IMPG2: variants seen among roughly 807,000 people sequenced by gnomAD.
IMPG2 encodes IPM 200.
In IMPG2, 91 loss-of-function variants were observed where a neutral mutation model predicts 129.2. That is an observed-to-expected ratio of 0.70 (90% CI 0.59 to 0.84). The LOEUF (loss-of-function observed/expected upper bound fraction) is 0.84. Ranked by LOEUF, IMPG2 falls within the 40% of genes least tolerant of loss-of-function variation. The pLI is 0.00. For missense variants in IMPG2, 1,430 were observed against 1,461.7 expected (o/e 0.98, Z 0.35); for synonymous variants, 510 against 517.7 (o/e 0.99, Z 0.20).
intron 14 of IMPG2, 52 bp downstream of exon 14, chr3:101,242,636 A>G: frequency 1.5e-6 from 2 of 1,327,656 alleles, no homozygotes; most frequent in Non-Finnish European, 2.2e-6. Context: ...AAAACACACA[A>G]GAATAATCAC....
intron 16 of IMPG2, among the ~76,000 whole-genome samples, chr3:101,230,216 T>G (rs1190675094): frequency 6.6e-6 from 1 of 152,168 alleles, no homozygotes; most frequent in Non-Finnish European, 1.5e-5. Context: ...GTGAGAGAAG[T>G]AAACTAGACC....
chr3:101,272,118 C>CAT (rs1474683731), intron 7 of IMPG2, among the ~76,000 whole-genome samples: 3 of 151,176 alleles, frequency 2.0e-5, no homozygotes, highest in African/African-American at 4.9e-5. Flanking sequence ...CACACACACA[C>CAT]ACATACACAC....
chr3:101,284,961 T>A (rs181819898), intron 4 of IMPG2, among the ~76,000 whole-genome samples: 1 of 152,326 alleles, frequency 6.6e-6, no homozygotes, highest in East Asian at 1.9e-4. Flanking sequence ...TTTGCTGACA[T>A]TGCTAGAATG....
intron 9 of IMPG2, among the ~76,000 whole-genome samples, chr3:101,267,003 AAAG>A: frequency 6.6e-6 from 1 of 152,308 alleles, no homozygotes; most frequent in Admixed American, 6.5e-5. Flanking sequence ...TCAGCCATAA[AAAG>A]AAGGAAATCC....
At chr3:101,291,223 G>A (rs1047970917) in intron 4 of IMPG2, among the ~76,000 whole-genome samples, 13 of 152,106 alleles carry the variant, frequency 8.5e-5, no homozygotes, top group Non-Finnish European at 1.3e-4. Context: ...CCATAAATCT[G>A]TTTTCTTATC....
At chr3:101,278,694 C>T (rs1706862885) in intron 4 of IMPG2, among the ~76,000 whole-genome samples, 1 of 149,050 alleles carries the variant, frequency 6.7e-6, no homozygotes, top group African/African-American at 2.5e-5. Context: ...ATTTGAGAAA[C>T]ATAAGTTAAA....
chr3:101,242,783 T>C lies in IMPG2; in HGVS notation c.2927A>G (p.Asn976Ser). The C allele has an allele frequency of 6.2e-7, 1 of 1,614,076 alleles. No individual in the cohort carries two copies. Among genetic ancestry groups the C allele is most frequent in the Non-Finnish European group, 8.5e-7 (1 of 1,179,954 alleles). ...KFANSVPPNV[N>S]NAVYMILEDF... is the part of the protein sequence containing the mutation. ...TTCCAGAATCATGTACACCGCATTGTTGACGTTAGGAGGGACAGAATTGGC... is the reference window on the plus strand; with the variant it reads ...TTCCAGAATCATGTACACCGCATTGCTGACGTTAGGAGGGACAGAATTGGC... Residue 976 changes from asparagine to serine, a missense_variant, in exon 14 of 19, where the codon AAC becomes AGC. Asn to Ser is a conservative substitution (Grantham distance 46). Coordinates refer to ENST00000193391, the MANE Select transcript of IMPG2 (RefSeq NM_016247.4).
At chr3:101,273,336 C>A (rs149397845) in intron 7 of IMPG2, among the ~76,000 whole-genome samples, 2 of 152,252 alleles carry the variant, frequency 1.3e-5, no homozygotes, top group African/African-American at 4.8e-5. Context: ...TCTTTCTTGG[C>A]TGTGCAGCAA....
intron 9 of IMPG2, among the ~76,000 whole-genome samples, chr3:101,264,461 T>C (rs1706702070): frequency 6.6e-6 from 1 of 152,024 alleles, no homozygotes; most frequent in Admixed American, 6.6e-5. Flanking sequence ...CATATGATCA[T>C]CATAATGATG....
chr3:101,275,156 G>A (rs949223048), intron 6 of IMPG2, among the ~76,000 whole-genome samples: 3 of 151,776 alleles, frequency 2.0e-5, no homozygotes, highest in East Asian at 1.9e-4. Context: ...ATTCCTGGGC[G>A]ATGTGTAAAT....
intron 6 of IMPG2, among the ~76,000 whole-genome samples, chr3:101,274,350 A>T (rs905905142): frequency 7.1e-4 from 108 of 152,194 alleles, no homozygotes; most frequent in African/African-American, 2.6e-3. Flanking sequence ...CAGCAAAATG[A>T]TCATTTGAAT....
intron 2 of IMPG2, among the ~76,000 whole-genome samples, chr3:101,308,434 T>C (rs1299758322): frequency 6.6e-6 from 1 of 152,274 alleles, no homozygotes; most frequent in East Asian, 1.9e-4. Context: ...AATTCTTGAC[T>C]TCTGTGCACC....
Position 101,229,351 on chromosome 3 carries a change from G to A in IMPG2, c.3633+29C>T, listed in dbSNP as rs368398105. 128 of 1,424,696 alleles carry A rather than the reference G, an allele frequency of 9.0e-5. 2 individuals carry two copies. The highest frequency in any genetic ancestry group is 8.0e-4 in the South Asian group (70 of 87,820). 88.3% of individuals were successfully genotyped at this position (1,424,696 alleles called of 1,614,324 possible). On this transcript the variant is annotated intron_variant, in intron 17 of 18. Transcript: ENST00000193391. The stretch of plus-strand genomic sequence containing the variant: ...CCACACACACACCAGCAGTAGCTGC[G>A]ACAGCAACATAAATGCAAAGTTTCC...
rs193079269 is a variant in IMPG2, at chr3:101,314,380, A to G, written c.334+5204T>C. Among the ~76,000 whole-genome samples the G allele has an allele frequency of 4.6e-5, 7 of 152,222 alleles. No homozygotes were observed. The East Asian group carries it at 1.4e-3, about 29-fold the overall frequency. ...GGGTGTCCTGCATTTTTATATGCTA[A>G]ATCTGGTAACCATATATATCAGTCA... is the stretch of plus-strand genomic sequence containing the variant. On this transcript the variant is annotated intron_variant, in intron 2 of 18. Transcript: ENST00000193391.
At chr3:101,278,006 G>A (rs1047758101) in intron 4 of IMPG2, among the ~76,000 whole-genome samples, 2 of 152,176 alleles carry the variant, frequency 1.3e-5, no homozygotes, top group Non-Finnish European at 2.9e-5. Context: ...AGGTCCAGGC[G>A]GGTCAATCAC....
chr3:101,268,734 T>C (rs367751970), intron 8 of IMPG2, among the ~76,000 whole-genome samples: 1 of 152,216 alleles, frequency 6.6e-6, no homozygotes, highest in Non-Finnish European at 1.5e-5. Flanking sequence ...ATGGATAACA[T>C]CTAAACTTGG....
At chr3:101,318,572 AAAG>A (rs1186266825) in intron 2 of IMPG2, among the ~76,000 whole-genome samples, 1 of 152,198 alleles carries the variant, frequency 6.6e-6, no homozygotes, top group Non-Finnish European at 1.5e-5. Flanking sequence ...AGGAAGAGGA[AAAG>A]AAGATAAAGT....
chr3:101,299,479 CT>C (rs1232567996), intron 3 of IMPG2, among the ~76,000 whole-genome samples: 3 of 152,196 alleles, frequency 2.0e-5, no homozygotes, highest in African/African-American at 7.2e-5. Flanking sequence ...GCACTCTGGC[CT>C]TTTGGGTTTT....
chr3:101,265,713 A>C (rs2107242646), intron 9 of IMPG2, among the ~76,000 whole-genome samples: 1 of 152,314 alleles, frequency 6.6e-6, no homozygotes, highest in South Asian at 2.1e-4. Context: ...ATTATATTAA[A>C]CTAAAAAGCT....
Sources: gnomAD v4.1 joint callset for allele counts (sites outside exome capture counted in the v4.1 genomes callset) on GRCh38, gnomAD v4.1.1 for gene constraint, MANE v1.5 for transcripts, NCBI Gene and HGNC (gene_info 2026-07-23, HGNC 2026-07-21) for gene names.